Variants in CNBD1 observed in about 807,000 individuals in gnomAD.
CNBD1 encodes the protein cyclic nucleotide binding domain containing 1, also known as cyclic nucleotide-binding domain-containing protein 1.
In CNBD1, 71 loss-of-function variants were observed where a neutral mutation model predicts 54.4. That is an observed-to-expected ratio of 1.30 (90% confidence interval 1.08 to 1.59). The LOEUF (loss-of-function observed/expected upper bound fraction) is 1.59, where lower values mean the gene tolerates loss of function less well. Ranked by LOEUF, CNBD1 falls within the 40% of genes most tolerant of loss-of-function variation. The pLI, the probability that CNBD1 is intolerant of heterozygous loss-of-function variation, is 0.00. For missense variants in CNBD1, 659 were observed against 518.0 expected, an observed-to-expected ratio of 1.27 and a Z score of -2.64; for synonymous variants, 182 against 170.7, an observed-to-expected ratio of 1.07 and a Z score of -0.51.
chr8:87,054,497 A>G (rs1563451185), intron 4 of CNBD1, among the ~76,000 whole-genome samples: 1 of 152,206 alleles, frequency 6.6e-6, no homozygotes. Flanking sequence ...AGAGACAGCA[A>G]TTCCTTGAAA....
At chr8:87,090,303 T>G (rs1004101506) in intron 4 of CNBD1, among the ~76,000 whole-genome samples, 3 of 152,172 alleles carry the variant, frequency 2.0e-5, no homozygotes, top group Non-Finnish European at 2.9e-5. Context: ...GCTAACTTAT[T>G]TTGAATGACT....
chr8:87,308,728 T>C (rs1307432960), intron 8 of CNBD1, among the ~76,000 whole-genome samples: 10 of 152,100 alleles, frequency 6.6e-5, no homozygotes, highest in African/African-American at 1.4e-4. Context: ...CATTAACCAG[T>C]CTCTCTTCAC....
chr8:87,097,888 A>G (rs1258832192), intron 4 of CNBD1, among the ~76,000 whole-genome samples: 1 of 152,136 alleles, frequency 6.6e-6, no homozygotes, highest in African/African-American at 2.4e-5. Context: ...CATAATTCTG[A>G]CTGTTGTGAC....
At position 87,278,254 on chromosome 8, in the gene CNBD1, T is replaced by C. The variant is rs753770418; in HGVS notation, c.772-6424T>C. ...ACACAAGGATAAATAAGAAATATAG[T>C]AGAAACAATATTTAGTCCTGCCTGA... On this transcript the variant is annotated intron_variant, in intron 6 of 10. Coordinates refer to ENST00000518476, the MANE Select transcript of CNBD1 (RefSeq NM_173538.3). Among the ~76,000 whole-genome samples, 26 of 151,590 alleles carry C rather than the reference T, an allele frequency of 1.7e-4. 1 individual carries two copies. Among genetic ancestry groups the C allele is most frequent in the Admixed American group, 1.6e-3 (24 of 15,140 alleles).
downstream of CNBD1, among the ~76,000 whole-genome samples, chr8:87,384,636 T>C (rs1008789697): frequency 7.9e-5 from 12 of 152,326 alleles, no homozygotes; most frequent in Admixed American, 7.8e-4. Flanking sequence ...TAACATTGTG[T>C]CAGACACATG....
At chr8:87,053,375 G>T (rs934144860) in intron 4 of CNBD1, among the ~76,000 whole-genome samples, 7 of 152,202 alleles carry the variant, frequency 4.6e-5, no homozygotes, top group African/African-American at 7.2e-5. Context: ...TTTCTTCAGG[G>T]TCTGATGATA....
intron 4 of CNBD1, among the ~76,000 whole-genome samples, chr8:87,099,409 C>T (rs1049968058): frequency 6.6e-6 from 1 of 151,976 alleles, no homozygotes; most frequent in Non-Finnish European, 1.5e-5. Flanking sequence ...ATTTATACTT[C>T]AAAGGAATCA....
intron 8 of CNBD1, among the ~76,000 whole-genome samples, chr8:87,323,215 G>A (rs1046801070): frequency 8.6e-6 from 1 of 116,480 alleles, no homozygotes; most frequent in Non-Finnish European, 1.9e-5. Context: ...TAGCCTTGTA[G>A]TATAGTTTGA....
intron 4 of CNBD1, among the ~76,000 whole-genome samples, chr8:87,038,743 C>G (rs776759096): frequency 6.6e-6 from 1 of 152,116 alleles, no homozygotes; most frequent in African/African-American, 2.4e-5. Flanking sequence ...TAAATGTCTT[C>G]CAAAGTTAGC....
At chr8:87,153,880 T>C (rs1420066258) in intron 4 of CNBD1, among the ~76,000 whole-genome samples, 1 of 152,042 alleles carries the variant, frequency 6.6e-6, no homozygotes, top group Non-Finnish European at 1.5e-5. Flanking sequence ...GAAAAATAAG[T>C]AAGGTGGTTA....
At chr8:87,407,707 A>G (rs1234557251) in intron 2 of CNBD1, among the ~76,000 whole-genome samples, 1 of 151,996 alleles carries the variant, frequency 6.6e-6, no homozygotes, top group Non-Finnish European at 1.5e-5. Context: ...TAAGTAGGTA[A>G]CCCTATCTCA....
intron 4 of CNBD1, among the ~76,000 whole-genome samples, chr8:87,105,059 G>A (rs1043248066): frequency 3.3e-5 from 5 of 151,996 alleles, no homozygotes; most frequent in Non-Finnish European, 5.9e-5. Context: ...GGATCTAAAC[G>A]GTTTTAATTA....
At chr8:87,184,399 A>C (rs1233285755) in intron 4 of CNBD1, among the ~76,000 whole-genome samples, 1 of 152,094 alleles carries the variant, frequency 6.6e-6, no homozygotes, top group Non-Finnish European at 1.5e-5. Flanking sequence ...GCTGCTAATA[A>C]ACGCTAAAGC....
chr8:87,208,323 A>G (rs1814021212), intron 5 of CNBD1, among the ~76,000 whole-genome samples: 1 of 152,146 alleles, frequency 6.6e-6, no homozygotes, highest in Non-Finnish European at 1.5e-5. Context: ...TTATATTTCT[A>G]AGTAGTGAAT....
intron 6 of CNBD1, among the ~76,000 whole-genome samples, chr8:87,254,175 G>A (rs1166822949): frequency 1.3e-5 from 2 of 152,140 alleles, no homozygotes; most frequent in African/African-American, 4.8e-5. Flanking sequence ...AGGCAACGCA[G>A]CCACCTAAAG....
intron 4 of CNBD1, among the ~76,000 whole-genome samples, chr8:87,051,126 A>C (rs1245961692): frequency 6.6e-6 from 1 of 152,156 alleles, no homozygotes; most frequent in Non-Finnish European, 1.5e-5. Context: ...AGGCATAATT[A>C]AAAAGGCATG....
intron 6 of CNBD1, among the ~76,000 whole-genome samples, chr8:87,281,553 T>TAG (rs1808598998): frequency 8.1e-4 from 3 of 3,686 alleles, no homozygotes; most frequent in African/African-American, 1.3e-3. Flanking sequence ...TATATATATA[T>TAG]ATATATATAT....
At chr8:87,268,176 C>T (rs1808299280) in intron 6 of CNBD1, among the ~76,000 whole-genome samples, 1 of 152,066 alleles carries the variant, frequency 6.6e-6, no homozygotes, top group South Asian at 2.1e-4. Flanking sequence ...CAATGTTTAG[C>T]TCCCACTTAT....
intron 4 of CNBD1, among the ~76,000 whole-genome samples, chr8:87,160,437 G>C (rs1360110970): frequency 6.6e-6 from 1 of 151,886 alleles, no homozygotes; most frequent in Non-Finnish European, 1.5e-5. Flanking sequence ...AAGAAAAACT[G>C]GTATATAGAA....
Sources: gnomAD v4.1 joint callset for allele counts (sites outside exome capture counted in the v4.1 genomes callset) on GRCh38, gnomAD v4.1.1 for gene constraint, MANE v1.5 for transcripts, NCBI Gene and HGNC (gene_info 2026-07-23, HGNC 2026-07-21) for gene names.